SKOR1: variants seen among roughly 807,000 people sequenced by gnomAD.
The protein encoded by SKOR1 is SKI family transcriptional corepressor 1.
A neutral mutation model predicts 72.4 loss-of-function variants in SKOR1; 38 were observed. That is an observed-to-expected ratio of 0.52 (90% confidence interval 0.40 to 0.69). The LOEUF (loss-of-function observed/expected upper bound fraction) is 0.69, where lower values mean the gene tolerates loss of function less well. Ranked by LOEUF, SKOR1 falls within the 30% of genes least tolerant of loss-of-function variation. The pLI is 0.00. For missense variants in SKOR1, 1,320 were observed against 1,343.2 expected (o/e 0.98, Z 0.27); for synonymous variants, 642 against 599.4 (o/e 1.07, Z -1.04).
intron 2 of SKOR1, 59 bp from the exon 3 acceptor site, chr15:67,829,120 C>T: frequency 7.0e-7 from 1 of 1,438,762 alleles, no homozygotes; most frequent in African/African-American, 1.4e-5. Context: ...TAGGGCTGGG[C>T]GTCTTTGGGC....
At position 67,827,808 on chromosome 15, in the gene SKOR1, G is replaced by C. The variant is rs2141366728; in HGVS notation, c.1980G>C (p.Glu660Asp). 1.9e-6 allele frequency: 3 copies of C among 1,581,166 alleles called. No homozygotes were observed. Among genetic ancestry groups the C allele is most frequent in the Non-Finnish European group, 2.6e-6 (3 of 1,163,908 alleles). The change falls in exon 2 of 9, where the codon GAG (glutamate) becomes GAC (aspartate). Residue 660 changes from glutamate to aspartate, a missense_variant. By Grantham distance (45) the Glu-to-Asp change is conservative. Transcript: ENST00000380035. ...SPDVDTADEP[E>D]VDVESNRFPD... ...ACGTGGACACCGCGGACGAGCCCGA[G>C]GTGGACGTGGAATCCAACCGCTTCC...
rs1041469559 is a variant in SKOR1, at chr15:67,833,124, G to T, written c.2738-68G>T. 6.4e-7 allele frequency: 1 copy of T among 1,564,804 alleles called. No individual in the cohort carries two copies. Among genetic ancestry groups the T allele is most frequent in the South Asian group, 1.1e-5 (1 of 89,098 alleles). On this transcript the variant is annotated intron_variant, in intron 7 of 8. Coordinates refer to ENST00000380035, the MANE Select transcript of SKOR1 (RefSeq NM_001365915.1). This position sits in a 1 kb window ranked among gnomAD's most constrained non-coding sequence, Gnocchi z 6.0. ...TAGCCCTGGGGAGAGGAGGAAGCCCGGGCTGTGACCCCGGCCTTTCGGAGG... is the reference window on the plus strand; with the variant it reads ...TAGCCCTGGGGAGAGGAGGAAGCCCTGGCTGTGACCCCGGCCTTTCGGAGG...
chr15:67,832,517 G>A lies in SKOR1; in HGVS notation c.2663-90G>A, dbSNP rs1455761631. The A allele has an allele frequency of 2.7e-5, 37 of 1,355,832 alleles. No homozygotes were observed. In the East Asian group the frequency reaches 7.7e-4, roughly 28 times the overall value. The allele number at this position is 1,355,832 out of a possible 1,614,324, so 84.0% of individuals were successfully genotyped here. A position where few individuals can be genotyped will look rare whatever the true frequency, so the allele number is the denominator to read the frequency against. On this transcript the variant is annotated intron_variant, in intron 6 of 8. Coordinates refer to ENST00000380035, the MANE Select transcript of SKOR1 (RefSeq NM_001365915.1). The surrounding 1 kb of genome is among the most constrained non-coding windows in gnomAD (Gnocchi z 4.5). ...GGCGAATGGCTGGGTGGGAGTTGGG[G>A]GTAGGGGTGAAAGGGGGGGCCAGGA...
In SKOR1 at chr15:67,826,609, A is replaced by G. The variant is rs777657682; in HGVS notation, c.781A>G (p.Ser261Gly). 3.7e-6 allele frequency: 6 copies of G among 1,613,798 alleles called. No individual in the cohort carries two copies. In the South Asian group the frequency reaches 5.5e-5, roughly 15 times the overall value. The change falls in exon 2 of 9, where the codon AGC becomes GGC. Residue 261 changes from serine to glycine, a missense_variant. Ser to Gly is a moderately conservative substitution (Grantham distance 56, BLOSUM62 0). This residue lies in a region of SKOR1 where 1,099 missense variants were observed against 1,025.5 expected (regional missense o/e 1.07). Transcript: ENST00000380035. ...TGACAAGTCGGCCACAGACGAACTG[A>G]GCCATGCTTGGGAGGACGTCAAGGC... ...LSDKSATDEL[S>G]HAWEDVKAMF...
chr15:67,833,653 T>G lies in SKOR1; in HGVS notation c.2804-89T>G. ...TTGAGATTCCCTGACCCCAAAGGGT[T>G]GGTAAGGCCGGGGAGGGGAAAGGGT... On this transcript the variant is annotated intron_variant, in intron 8 of 8. Transcript: ENST00000380035. This position sits in a 1 kb window ranked among gnomAD's most constrained non-coding sequence, Gnocchi z 6.0. The G allele has an allele frequency of 7.4e-7, 1 of 1,357,016 alleles. No homozygotes were observed. Among genetic ancestry groups the G allele is most frequent in the Non-Finnish European group, 1.1e-6 (1 of 951,856 alleles). 84.1% of individuals were successfully genotyped at this position (1,357,016 alleles called of 1,614,324 possible). A position where few individuals can be genotyped will look rare whatever the true frequency, so the allele number is the denominator to read the frequency against.
chr15:67,825,849 A>T lies in SKOR1; in HGVS notation c.108-87A>T, dbSNP rs945579453. 8 of 1,514,732 alleles carry T rather than the reference A, an allele frequency of 5.3e-6. No individual in the cohort carries two copies. In the African/African-American group the frequency reaches 1.1e-4, roughly 21 times the overall value. The allele number at this position is 1,514,732 out of a possible 1,614,324, so 93.8% of individuals were successfully genotyped here. On this transcript the variant is annotated intron_variant, in intron 1 of 8. Coordinates refer to ENST00000380035, the MANE Select transcript of SKOR1 (RefSeq NM_001365915.1). This position sits in a 1 kb window ranked among gnomAD's most constrained non-coding sequence, Gnocchi z 5.6. The stretch of plus-strand genomic sequence containing the variant: ...ACTGCCAAGTATCCCCCGCGCGCCC[A>T]ACTCGGAGCGCCCTGCTGGGCGGGC...
chr15:67,826,104 C>T lies in SKOR1; in HGVS notation c.276C>T (p.Ile92=), dbSNP rs1223767984. ...LYGVPIVSLV[I]DGQERLCLAQ... The stretch of plus-strand genomic sequence containing the variant: ...GGGTGCCCATTGTGTCGCTGGTCAT[C>T]GACGGCCAGGAGCGCCTATGCCTGG... Residue 92 remains isoleucine (I), a synonymous_variant, in exon 2 of 9, where the codon ATC becomes ATT. Coordinates refer to ENST00000380035, the MANE Select transcript of SKOR1 (RefSeq NM_001365915.1). 6.3e-7 allele frequency: 1 copy of T among 1,599,604 alleles called. No individual in the cohort carries two copies. Among genetic ancestry groups the T allele is most frequent in the Admixed American group, 1.7e-5 (1 of 59,176 alleles).
chr15:67,827,913 T>C lies in SKOR1; in HGVS notation c.2085T>C (p.Thr695=). Residue 695 remains threonine (T), a synonymous_variant, in exon 2 of 9, where the codon ACT becomes ACC. Transcript: ENST00000380035. ...AGGGPDGEQP[T]GPPSATSSGA... The stretch of plus-strand genomic sequence containing the variant: ...GCGGCCCAGACGGTGAACAGCCCAC[T>C]GGACCCCCTTCCGCCACCTCCTCTG... 3 of 1,594,148 alleles carry C rather than the reference T, an allele frequency of 1.9e-6. No individual in the cohort carries two copies. Among genetic ancestry groups the C allele is most frequent in the Non-Finnish European group, 2.6e-6 (3 of 1,171,502 alleles).
Position 67,833,128 on chromosome 15 carries a change from T to C in SKOR1, c.2738-64T>C. ...CCTGGGGAGAGGAGGAAGCCCGGGCTGTGACCCCGGCCTTTCGGAGGGTGG... is the reference window on the plus strand; with the variant it reads ...CCTGGGGAGAGGAGGAAGCCCGGGCCGTGACCCCGGCCTTTCGGAGGGTGG... On this transcript the variant is annotated intron_variant, in intron 7 of 8. Transcript: ENST00000380035. This position sits in a 1 kb window ranked among gnomAD's most constrained non-coding sequence, Gnocchi z 6.0. 1 of 1,579,354 alleles carries C rather than the reference T, an allele frequency of 6.3e-7. No individual in the cohort carries two copies.
At position 67,827,523 on chromosome 15, in the gene SKOR1, C is replaced by T. The variant is rs1443808777; in HGVS notation, c.1695C>T (p.Asp565=). The T allele has an allele frequency of 1.3e-6, 2 of 1,522,368 alleles. No homozygotes were observed. The highest frequency in any genetic ancestry group is 1.4e-5 in the African/African-American group (1 of 71,084). The allele number at this position is 1,522,368 out of a possible 1,614,324, so 94.3% of individuals were successfully genotyped here. A position where few individuals can be genotyped will look rare whatever the true frequency, so the allele number is the denominator to read the frequency against. ...TGTCCCGCGGGCCCCTGGACGAAGA[C>T]GGCACGGACGAGGCGCTGCCACCGC... is the stretch of plus-strand genomic sequence containing the variant. ...SALSRGPLDE[D]GTDEALPPPL... Residue 565 remains aspartate (D), a synonymous_variant, in exon 2 of 9, where the codon GAC becomes GAT. Coordinates refer to ENST00000380035, the MANE Select transcript of SKOR1 (RefSeq NM_001365915.1).
At position 67,832,529 on chromosome 15, in the gene SKOR1, AG is replaced by A. The variant is rs1224490367; in HGVS notation, c.2663-71del. 3.5e-5 allele frequency: 49 copies of A among 1,412,004 alleles called. No individual in the cohort carries two copies. The highest frequency in any genetic ancestry group is 4.4e-5 in the Non-Finnish European group (44 of 1,007,554). 87.5% of individuals were successfully genotyped at this position (1,412,004 alleles called of 1,614,324 possible). On this transcript the variant is annotated intron_variant, in intron 6 of 8. Coordinates refer to ENST00000380035, the MANE Select transcript of SKOR1 (RefSeq NM_001365915.1). The surrounding 1 kb of genome is among the most constrained non-coding windows in gnomAD (Gnocchi z 4.5). ...GGTGGGAGTTGGGGGTAGGGGTGAA[AG>A]GGGGGGCCAGGAGTGAGAAAGTGGA...
In SKOR1 at chr15:67,833,340, T is replaced by A; in HGVS notation, c.2803+83T>A. Reference sequence around the variant, plus strand: ...CTGAATGAATGAATAGTGGGACTAGTGAGGAAGGCCACGATCCACGTGGAT... The same window carrying A: ...CTGAATGAATGAATAGTGGGACTAGAGAGGAAGGCCACGATCCACGTGGAT... On this transcript the variant is annotated intron_variant, in intron 8 of 8. Transcript: ENST00000380035. The surrounding 1 kb of genome is among the most constrained non-coding windows in gnomAD (Gnocchi z 6.0). The A allele has an allele frequency of 7.2e-7, 1 of 1,381,676 alleles. No homozygotes were observed. The highest frequency in any genetic ancestry group is 1.0e-6 in the Non-Finnish European group (1 of 974,574). The allele number at this position is 1,381,676 out of a possible 1,614,324, so 85.6% of individuals were successfully genotyped here. A position where few individuals can be genotyped will look rare whatever the true frequency, so the allele number is the denominator to read the frequency against.
chr15:67,827,073 C>T lies in SKOR1; in HGVS notation c.1245C>T (p.Gly415=), dbSNP rs1383316700. The T allele has an allele frequency of 3.3e-6, 5 of 1,528,152 alleles. No homozygotes were observed. Among genetic ancestry groups the T allele is most frequent in the East Asian group, 2.5e-5 (1 of 40,346 alleles). 94.7% of individuals were successfully genotyped at this position (1,528,152 alleles called of 1,614,324 possible). Residue 415 remains glycine (G), a synonymous_variant, in exon 2 of 9, where the codon GGC becomes GGT. Coordinates refer to ENST00000380035, the MANE Select transcript of SKOR1 (RefSeq NM_001365915.1). The part of the protein sequence containing the change: ...LCPKKDDPVL[G]AGEPKGGPGT... ...CCAAAAAGGACGACCCGGTTTTAGG[C>T]GCGGGCGAGCCAAAGGGCGGTCCTG...
rs780117336 is a variant in SKOR1 at position 67,829,259 on chromosome 15, C to T, written c.2397C>T (p.Pro799=). The T allele has an allele frequency of 7.1e-6, 11 of 1,554,038 alleles. No homozygotes were observed. The African/African-American group carries it at 1.5e-4, about 21-fold the overall frequency. ...LGPAASYVCT[P]EAHEPDKEDN... is the part of the protein sequence containing the mutation. The stretch of plus-strand genomic sequence containing the variant: ...CCGCGGCCTCCTACGTCTGCACCCC[C>T]GAGGCCCACGGTAACGCCTGTCGCG... Residue 799 remains proline, a synonymous_variant, in exon 3 of 9, where the codon CCC becomes CCT. Coordinates refer to ENST00000380035, the MANE Select transcript of SKOR1 (RefSeq NM_001365915.1).
Position 67,825,653 on chromosome 15 carries a change from A to C in SKOR1, c.51A>C (p.Ser17=). The C allele has an allele frequency of 1.4e-6, 1 of 720,934 alleles. No homozygotes were observed. Among genetic ancestry groups the C allele is most frequent in the South Asian group, 1.5e-5 (1 of 67,688 alleles). 44.7% of individuals were successfully genotyped at this position (720,934 alleles called of 1,614,324 possible). The change falls in exon 1 of 9, where the codon TCA becomes TCC. Residue 17 remains serine, a synonymous_variant. Transcript: ENST00000380035. The surrounding 1 kb of genome is among the most constrained non-coding windows in gnomAD (Gnocchi z 5.6). The part of the protein sequence containing the change: ...LGQVTLRIWV[S]LPSQSENGIG... ...AAGTCACTCTGCGTATCTGGGTTTCACTTCCTTCCCAATCCGAAAACGGGA... is the reference window on the plus strand; with the variant it reads ...AAGTCACTCTGCGTATCTGGGTTTCCCTTCCTTCCCAATCCGAAAACGGGA...
Position 67,827,062 on chromosome 15 carries a change from C to G in SKOR1, c.1234C>G (p.Pro412Ala). Reference sequence around the variant, plus strand: ...CGGCCTATGCCCCAAAAAGGACGACCCGGTTTTAGGCGCGGGCGAGCCAAA... The same window carrying G: ...CGGCCTATGCCCCAAAAAGGACGACGCGGTTTTAGGCGCGGGCGAGCCAAA... ...AFGLCPKKDD[P>A]VLGAGEPKGG... Residue 412 changes from proline (P) to alanine (A), a missense_variant, in exon 2 of 9, where the codon CCG (proline) becomes GCG (alanine). Around this residue, in one of 3 missense-constraint regions of SKOR1, gnomAD observed 1,099 missense variants for 1,025.5 expected, o/e 1.07. Transcript: ENST00000380035. The G allele has an allele frequency of 6.5e-7, 1 of 1,543,354 alleles. No individual in the cohort carries two copies. The highest frequency in any genetic ancestry group is 8.7e-7 in the Non-Finnish European group (1 of 1,152,172).
chr15:67,828,793 G>C (rs1242624951), intron 2 of SKOR1, among the ~76,000 whole-genome samples: 1 of 152,168 alleles, frequency 6.6e-6, no homozygotes, highest in African/African-American at 2.4e-5. Flanking sequence ...TTGAAAGTGA[G>C]TGCGCATACC....
chr15:67,833,602 C>G lies in SKOR1; in HGVS notation c.2804-140C>G, dbSNP rs1335295012. On this transcript the variant is annotated intron_variant, in intron 8 of 8. Coordinates refer to ENST00000380035, the MANE Select transcript of SKOR1 (RefSeq NM_001365915.1). The surrounding 1 kb of genome is among the most constrained non-coding windows in gnomAD (Gnocchi z 6.0). ...CTGAATCACCAGCTTTTGTCCTACC[C>G]TCCTGCCTCCTCCTGATCCGCTCGG... The G allele has an allele frequency of 5.8e-6, 5 of 865,242 alleles. No individual in the cohort carries two copies. The highest frequency in any genetic ancestry group is 7.6e-6 in the Non-Finnish European group (4 of 525,486). The allele number at this position is 865,242 out of a possible 1,614,324, so 53.6% of individuals were successfully genotyped here.
Position 67,830,294 on chromosome 15 carries a change from C to G in SKOR1, c.2511C>G (p.Asp837Glu). ...SISQPSPANT[D>E]RGEDGLTLDV... Reference sequence around the variant, plus strand: ...CCCAGCCAAGTCCTGCAAATACAGACAGAGGTGAGCCAGCCCTTGAACCCA... The same window carrying G: ...CCCAGCCAAGTCCTGCAAATACAGAGAGAGGTGAGCCAGCCCTTGAACCCA... Residue 837 changes from aspartate to glutamate, a missense_variant, in exon 4 of 9, where the codon GAC (aspartate) becomes GAG (glutamate). Asp to Glu is a conservative substitution (Grantham distance 45). This residue lies in a region of SKOR1 where 1,099 missense variants were observed against 1,025.5 expected (regional missense o/e 1.07). Coordinates refer to ENST00000380035, the MANE Select transcript of SKOR1 (RefSeq NM_001365915.1). The G allele has an allele frequency of 6.2e-7, 1 of 1,614,012 alleles. No individual in the cohort carries two copies. Among genetic ancestry groups the G allele is most frequent in the Non-Finnish European group, 8.5e-7 (1 of 1,179,864 alleles).
Sources: allele counts gnomAD v4.1 joint callset (sites outside exome capture counted in the v4.1 genomes callset), GRCh38; gene constraint gnomAD v4.1.1; regional missense constraint gnomAD v4.1.1; non-coding constraint Gnocchi (gnomAD v3.1); transcripts MANE v1.5; gene names NCBI Gene and HGNC (gene_info 2026-07-23, HGNC 2026-07-21).